The following DAB1 variants were observed in gnomAD, a reference collection of about 807,000 sequenced individuals.
The protein encoded by DAB1 is DAB adaptor protein 1, also known as disabled homolog 1.
A neutral mutation model predicts 64.6 loss-of-function variants in DAB1; 15 were observed. The observed-to-expected ratio is 0.23, with a 90% CI of 0.16 to 0.36. DAB1 has a LOEUF of 0.36. Ranked by LOEUF, DAB1 falls within the 10% of genes least tolerant of loss-of-function variation. DAB1 has a pLI of 1.00. For missense variants in DAB1, 596 were observed against 706.7 expected (o/e 0.84, Z 1.78); for synonymous variants, 235 against 251.9 (o/e 0.93, Z 0.64).
At chr1:57,521,603 G>A (rs1454593705) in intron 7 of DAB1, among the ~76,000 whole-genome samples, 1 of 152,134 alleles carries the variant, frequency 6.6e-6, no homozygotes, top group Non-Finnish European at 1.5e-5. Flanking sequence ...GACCAAATAT[G>A]GATGCATTTA....
chr1:57,906,287 C>T (rs1644550244), intron 5 of DAB1, among the ~76,000 whole-genome samples: 1 of 152,170 alleles, frequency 6.6e-6, no homozygotes. Flanking sequence ...CTAAATGCCT[C>T]ATATATTTTG....
intron 3 of DAB1, among the ~76,000 whole-genome samples, chr1:58,488,296 G>C (rs1278790423): frequency 6.6e-6 from 1 of 152,070 alleles, no homozygotes; most frequent in African/African-American, 2.4e-5. Flanking sequence ...ACTATGTTCT[G>C]ATGATTGGAA....
chr1:58,392,259 A>G (rs991803158), intron 3 of DAB1, among the ~76,000 whole-genome samples: 3 of 152,238 alleles, frequency 2.0e-5, no homozygotes, highest in Admixed American at 6.5e-5. Context: ...GCACCTCTGC[A>G]TGTACCTCTC....
intron 5 of DAB1, among the ~76,000 whole-genome samples, chr1:58,114,471 C>T (rs552963444): frequency 9.2e-5 from 14 of 152,328 alleles, no homozygotes; most frequent in Admixed American, 7.8e-4. Flanking sequence ...GCATTCCAGT[C>T]TCATTGCCAG....
chr1:58,333,062 A>G (rs1165311184), intron 4 of DAB1, among the ~76,000 whole-genome samples: 3 of 152,160 alleles, frequency 2.0e-5, no homozygotes, highest in Non-Finnish European at 4.4e-5. Flanking sequence ...GGCGTGTGCC[A>G]CCATACCCAG....
chr1:57,113,586 T>C (rs1156677671), intron 4 of DAB1, among the ~76,000 whole-genome samples: 1 of 152,228 alleles, frequency 6.6e-6, no homozygotes, highest in African/African-American at 2.4e-5. Flanking sequence ...TGTATTGCCA[T>C]GAAATTTTAT....
chr1:58,273,237 TGTAAA>T (rs199783346), intron 4 of DAB1, among the ~76,000 whole-genome samples: 1,918 of 15,988 alleles, frequency 0.12, 16 homozygotes, highest in Middle Eastern at 0.34. Context: ...TTTGCTTGTC[TGTAAA>T]GTATTTTATT....
chr1:57,843,077 G>C (rs1406198082), intron 1 of DAB1, among the ~76,000 whole-genome samples: 1 of 152,074 alleles, frequency 6.6e-6, no homozygotes, highest in African/African-American at 2.4e-5. Context: ...CATATCACTA[G>C]AATGAAAAAA....
rs192807168 is a variant in DAB1, at chr1:57,655,089, C to T, written n.552-5424G>A. ...TGTTTTGGGGCTGTATATTTTGTTC[C>T]ACTAGTTTTCTATTCCTGTGCAAGT... On this transcript the variant is annotated intron_variant and non_coding_transcript_variant, in intron 6 of 20. Transcript: ENST00000485760. 2.0e-5 allele frequency among the ~76,000 whole-genome samples: 3 copies of T among 152,250 alleles called. No homozygotes were observed. The East Asian group carries it at 5.8e-4, about 29-fold the overall frequency.
At chr1:57,103,332 T>G (rs764309195) in intron 4 of DAB1, among the ~76,000 whole-genome samples, 4 of 152,122 alleles carry the variant, frequency 2.6e-5, no homozygotes, top group African/African-American at 9.7e-5. Context: ...GACAAGTCAG[T>G]GCAGCAGCAG....
intron 5 of DAB1, among the ~76,000 whole-genome samples, chr1:58,087,733 GA>G (rs58033410): frequency 0.28 from 42,253 of 151,922 alleles, 7,357 homozygotes; most frequent in East Asian, 0.49. Context: ...GATGGGAAAA[GA>G]AAAGAAAGAT....
chr1:56,996,348 A>C lies in DAB1; in HGVS notation c.*1796T>G, dbSNP rs1645614426. 1 of 152,232 alleles carries C rather than the reference A, an allele frequency of 6.6e-6. No homozygotes were observed. Among genetic ancestry groups the C allele is most frequent in the Admixed American group, 6.5e-5 (1 of 15,290 alleles). 9.4% of individuals were successfully genotyped at this position (152,232 alleles called of 1,614,324 possible). A position where few individuals can be genotyped will look rare whatever the true frequency, so the allele number is the denominator to read the frequency against. ...TTCTTAGTGTTAAAACACTTTCAAC[A>C]TACTGTAACTGCATAGGAACATCAG... On this transcript the variant is annotated 3_prime_UTR_variant, in exon 15 of 15. Transcript: ENST00000371236.
At chr1:57,350,260 C>A (rs6687842) in intron 1 of DAB1, among the ~76,000 whole-genome samples, 63,478 of 151,966 alleles carry the variant, frequency 0.42, 13,707 homozygotes, top group African/African-American at 0.45. Context: ...GACACTGATA[C>A]AAAGAATTTG....
chr1:57,430,375 C>T (rs1488089739), intron 7 of DAB1, among the ~76,000 whole-genome samples: 1 of 134,442 alleles, frequency 7.4e-6, no homozygotes. Flanking sequence ...CAAGTTAATA[C>T]AATTTTTTTT....
chr1:57,926,445 G>GA (rs990018517), intron 5 of DAB1, among the ~76,000 whole-genome samples: 4 of 151,766 alleles, frequency 2.6e-5, no homozygotes, highest in Admixed American at 1.3e-4. Context: ...GCCAAAGTGG[G>GA]AAAAAAAACA....
chr1:58,284,824 G>A (rs1264455116), intron 4 of DAB1, among the ~76,000 whole-genome samples: 3 of 152,192 alleles, frequency 2.0e-5, no homozygotes, highest in East Asian at 1.9e-4. Context: ...GAATCCTGGC[G>A]ATGCACACAT....
chr1:57,468,240 A>G (rs1252476219), intron 7 of DAB1, among the ~76,000 whole-genome samples: 1 of 152,112 alleles, frequency 6.6e-6, no homozygotes, highest in Admixed American at 6.6e-5. Flanking sequence ...CAAGAAGGAG[A>G]AAGGGCATTG....
At chr1:58,299,299 T>C (rs1176860308) in intron 4 of DAB1, among the ~76,000 whole-genome samples, 3 of 152,224 alleles carry the variant, frequency 2.0e-5, no homozygotes, top group Non-Finnish European at 4.4e-5. Flanking sequence ...CCAAAGAGTA[T>C]GTCCTTCCCA....
rs1646455777 is a variant in DAB1 at position 57,666,925 on chromosome 1, GGCTTAT to G, written n.552-17266_552-17261del. Among the ~76,000 whole-genome samples, 5 of 151,748 alleles carry G rather than the reference GGCTTAT, an allele frequency of 3.3e-5. No homozygotes were observed. In the South Asian group the frequency reaches 1.0e-3, roughly 32 times the overall value. On this transcript the variant is annotated intron_variant and non_coding_transcript_variant, in intron 6 of 20. Coordinates refer to the DAB1 transcript ENST00000485760. Reference sequence around the variant, plus strand: ...GGGAGAGAGAGAGGGAGAGGGAGAGGGCTTATGCCATTGTTTTCCATCATGGCTAGA... The same window carrying G: ...GGGAGAGAGAGAGGGAGAGGGAGAGGGCCATTGTTTTCCATCATGGCTAGA...
Sources: allele counts gnomAD v4.1 joint callset (sites outside exome capture counted in the v4.1 genomes callset), GRCh38; gene constraint gnomAD v4.1.1; transcripts MANE v1.5; gene names NCBI Gene and HGNC (gene_info 2026-07-23, HGNC 2026-07-21).